APOBEC3G: variants seen among roughly 807,000 people sequenced by gnomAD.
The protein encoded by APOBEC3G is DNA dC->dU-editing enzyme APOBEC-3G.
In APOBEC3G, 44 loss-of-function variants were observed where a neutral mutation model predicts 50.0. That is an observed-to-expected ratio of 0.88 (90% CI 0.69 to 1.13). The LOEUF (loss-of-function observed/expected upper bound fraction) is 1.13. Ranked by LOEUF, APOBEC3G falls within the 50% of genes most tolerant of loss-of-function variation. The pLI, the probability that APOBEC3G is intolerant of heterozygous loss-of-function variation, is 0.00. For synonymous variants in APOBEC3G, 156 were observed against 175.3 expected (o/e 0.89, Z 0.87); for missense variants, 469 against 492.0 (o/e 0.95, Z 0.44).
At position 39,087,553 on chromosome 22, in the gene APOBEC3G, C is replaced by A; in HGVS notation, c.*132C>A. On this transcript the variant is annotated 3_prime_UTR_variant, in exon 8 of 8. Transcript: ENST00000407997. ...GATCACAGACACCAGCAAAGCAATG[C>A]ACTCCTGACCAAGTAGATTCTTTTA... is the stretch of plus-strand genomic sequence containing the variant. The A allele has an allele frequency of 6.6e-7, 1 of 1,511,494 alleles. No homozygotes were observed. The highest frequency in any genetic ancestry group is 1.2e-5 in the South Asian group (1 of 84,656). The allele number at this position is 1,511,494 out of a possible 1,614,324, so 93.6% of individuals were successfully genotyped here.
intron 1 of APOBEC3G, chr22:39,078,573 C>T (rs1293440483): frequency 5.0e-6 from 1 of 198,748 alleles, no homozygotes; most frequent in Non-Finnish European, 1.0e-5. Flanking sequence ...CCGCGCAGCA[C>T]TTAGAAGACT....
rs1200288095 is a variant in APOBEC3G at position 39,083,769 on chromosome 22, A to G, written c.620A>G (p.Asn207Ser). 1 of 1,613,984 alleles carries G rather than the reference A, an allele frequency of 6.2e-7. No homozygotes were observed. The highest frequency in any genetic ancestry group is 1.1e-5 in the South Asian group (1 of 91,080). The stretch of plus-strand genomic sequence containing the variant: ...CCACCCACATTCACTTTCAACTTTA[A>G]CAATGAACCTTGGGTCAGAGGACGG... Reference protein sequence around the residue: ...MDPPTFTFNFNNEPWVRGRHE... With the variant: ...MDPPTFTFNFSNEPWVRGRHE... Residue 207 changes from asparagine (N) to serine (S), a missense_variant, in exon 5 of 8, where the codon AAC becomes AGC. Asn to Ser is a conservative substitution (Grantham distance 46). Transcript: ENST00000407997.
At chr22:39,086,244 A>G in intron 5 of APOBEC3G, 35 bp from the exon 6 acceptor site, 1 of 1,530,990 alleles carries the variant, frequency 6.5e-7, no homozygotes, top group Non-Finnish European at 8.8e-7. Flanking sequence ...CTCAAAAAAA[A>G]AAAAGATTAC....
intron 3 of APOBEC3G, 27 bp from the exon 4 acceptor site, chr22:39,081,444 G>C (rs1013154429): frequency 6.2e-7 from 1 of 1,606,836 alleles, no homozygotes; most frequent in Non-Finnish European, 8.5e-7. Context: ...AGCTGGGCTT[G>C]ACTGCGTTCT....
intron 6 of APOBEC3G, among the ~76,000 whole-genome samples, chr22:39,086,805 G>A (rs1198678005): frequency 9.2e-5 from 14 of 152,114 alleles, no homozygotes; most frequent in Admixed American, 9.2e-4. Flanking sequence ...GCAGAACTTG[G>A]GGCTTCCAGA....
chr22:39,078,863 G>T, intron 1 of APOBEC3G, 69 bp from the exon 2 acceptor site: 3 of 1,589,108 alleles, frequency 1.9e-6, no homozygotes, highest in Non-Finnish European at 2.6e-6. Context: ...GCTGTGTTTA[G>T]TGGACATCAG....
At chr22:39,080,864 C>T (rs769018026) in intron 2 of APOBEC3G, 69 bp from the exon 3 acceptor site, 5 of 1,215,322 alleles carry the variant, frequency 4.1e-6, no homozygotes, top group Non-Finnish European at 5.7e-6. Flanking sequence ...CCCCTCCTCC[C>T]CCTGCCCCAC....
At chr22:39,084,860 C>T (rs917399431) in intron 5 of APOBEC3G, among the ~76,000 whole-genome samples, 2 of 152,232 alleles carry the variant, frequency 1.3e-5, no homozygotes, top group African/African-American at 4.8e-5. Context: ...GTTCTTCCCT[C>T]GCCCTTGCCC....
rs1457730371 is a variant in APOBEC3G, at chr22:39,077,352, C to G, written c.-10C>G. 7 of 1,577,248 alleles carry G rather than the reference C, an allele frequency of 4.4e-6. No homozygotes were observed. The highest frequency in any genetic ancestry group is 6.0e-6 in the Non-Finnish European group (7 of 1,161,036). On this transcript the variant is annotated 5_prime_UTR_variant, in exon 1 of 8. Transcript: ENST00000407997. ...AGACAAAGATCTTAGTCGGGACTAG[C>G]CGGCCAAGGATGAAGCCTCACTTCA...
chr22:39,081,340 A>T (rs1913047144), intron 3 of APOBEC3G, 113 bp downstream of exon 3: 3 of 1,547,882 alleles, frequency 1.9e-6, no homozygotes, highest in Non-Finnish European at 2.6e-6. Context: ...CAAGTGTCCC[A>T]GGGGAGCCTG....
intron 4 of APOBEC3G, 163 bp downstream of exon 4, chr22:39,081,748 C>G: frequency 1.7e-6 from 1 of 595,564 alleles, no homozygotes; most frequent in Non-Finnish European, 3.0e-6. Flanking sequence ...CACCCACACT[C>G]CTCGTGCTCC....
At chr22:39,079,805 C>A (rs113803254) in intron 2 of APOBEC3G, 1 of 151,162 alleles carries the variant, frequency 6.6e-6, no homozygotes, top group African/African-American at 2.4e-5. Context: ...GAGGCCAAGG[C>A]GGGCAGATCA....
chr22:39,078,853 G>C lies in APOBEC3G; in HGVS notation c.18-79G>C, dbSNP rs544442653. ...GGGGAGGCCTAGAGCCGTCCAGGGG[G>C]CTGTGTTTAGTGGACATCAGCCCGG... On this transcript the variant is annotated intron_variant, in intron 1 of 7. Transcript: ENST00000407997. 2.6e-5 allele frequency: 41 copies of C among 1,575,592 alleles called. 2 individuals carry two copies. The South Asian group carries it at 4.2e-4, about 16-fold the overall frequency.
intron 4 of APOBEC3G, 101 bp downstream of exon 4, chr22:39,081,686 G>A: frequency 3.2e-6 from 3 of 933,638 alleles, no homozygotes; most frequent in Non-Finnish European, 5.0e-6. Context: ...TCCTGGCCAG[G>A]CCCTCCTGCC....
chr22:39,080,549 T>A, intron 2 of APOBEC3G: 2 of 211,072 alleles, frequency 9.5e-6, no homozygotes, highest in Non-Finnish European at 1.9e-5. Flanking sequence ...GCCTGGGATG[T>A]CGAGTCACTG....
chr22:39,082,796 GTGTC>G (rs1201531385), intron 4 of APOBEC3G: 1 of 152,268 alleles, frequency 6.6e-6, no homozygotes, highest in African/African-American at 2.4e-5. Context: ...CCTGTCCTGT[GTGTC>G]TGTTTCCCAG....
chr22:39,081,212 A>C lies in APOBEC3G; in HGVS notation c.451A>C (p.Ile151Leu). ...KRDGPRATMKIMNYDEFQHCW... is the reference protein window; with the variant it reads ...KRDGPRATMKLMNYDEFQHCW... The stretch of plus-strand genomic sequence containing the variant: ...AGACGGTCCGCGTGCCACCATGAAG[A>C]TCATGAATTATGACGGTGAGAAGTG... The change falls in exon 3 of 8, where the codon ATC (isoleucine) becomes CTC (leucine). Residue 151 changes from isoleucine to leucine, a missense_variant. Physicochemically the swap from Ile to Leu is conservative, Grantham distance 5. Coordinates refer to ENST00000407997, the MANE Select transcript of APOBEC3G (RefSeq NM_021822.4). The C allele has an allele frequency of 6.2e-7, 1 of 1,614,112 alleles. No homozygotes were observed. Among genetic ancestry groups the C allele is most frequent in the Non-Finnish European group, 8.5e-7 (1 of 1,179,950 alleles).
rs759092248 is a variant in APOBEC3G at position 39,086,267 on chromosome 22, T to C, written c.736-12T>C. ...AAAAAAAGATTACCTCATGGCTTGC[T>C]TTCTTTTCTAGGCTCCACATAAACA... On this transcript the variant is annotated splice_polypyrimidine_tract_variant and intron_variant, in intron 5 of 7. Coordinates refer to ENST00000407997, the MANE Select transcript of APOBEC3G (RefSeq NM_021822.4). The C allele has an allele frequency of 6.4e-7, 1 of 1,553,726 alleles. No homozygotes were observed. The highest frequency in any genetic ancestry group is 2.1e-5 in the Admixed American group (1 of 48,046).
intron 5 of APOBEC3G, among the ~76,000 whole-genome samples, chr22:39,085,877 A>ACT (rs949298470): frequency 1.3e-5 from 2 of 151,924 alleles, no homozygotes; most frequent in African/African-American, 2.4e-5. Context: ...ACAGAACCAG[A>ACT]CTCTGTCTCA....
Sources: allele counts gnomAD v4.1 joint callset (sites outside exome capture counted in the v4.1 genomes callset), GRCh38; gene constraint gnomAD v4.1.1; transcripts MANE v1.5; gene names NCBI Gene and HGNC (gene_info 2026-07-23, HGNC 2026-07-21).